WRN: variants seen among roughly 807,000 people sequenced by gnomAD.
The protein encoded by WRN is WRN RecQ like helicase, also known as bifunctional 3'-5' exonuclease/ATP-dependent helicase WRN.
WRN carries 149 observed loss-of-function variants against 180.7 expected under a neutral mutation model. That is an observed-to-expected ratio of 0.82 (90% CI 0.72 to 0.94). The LOEUF is 0.94. Ranked by LOEUF, WRN falls within the 40% of genes least tolerant of loss-of-function variation. The pLI, the probability that WRN is intolerant of heterozygous loss-of-function variation, is 0.00. For synonymous variants in WRN, 548 were observed against 568.9 expected (o/e 0.96, Z 0.52); for missense variants, 1,661 against 1,700.1 (o/e 0.98, Z 0.40).
At chr8:31,159,637 A>G (rs1266053846) in intron 33 of WRN, among the ~76,000 whole-genome samples, 2 of 151,772 alleles carry the variant, frequency 1.3e-5, no homozygotes, top group Admixed American at 6.6e-5. Flanking sequence ...AAAAAATTAT[A>G]TCTATTAAAA....
intron 17 of WRN, among the ~76,000 whole-genome samples, chr8:31,099,383 A>AAAGGAAGGAAGG (rs564093090): frequency 6.8e-6 from 1 of 147,204 alleles, no homozygotes; most frequent in African/African-American, 2.6e-5. Context: ...TAGCCTAAGA[A>AAAGGAAGGAAGG]AAGGAAGGAA....
At chr8:31,099,491 G>A (rs1379257285) in intron 17 of WRN, among the ~76,000 whole-genome samples, 1 of 151,540 alleles carries the variant, frequency 6.6e-6, no homozygotes, top group African/African-American at 2.4e-5. Flanking sequence ...CAGCCACTCA[G>A]TAGTACCCAG....
At chr8:31,076,795 G>A (rs562024448) in intron 8 of WRN, among the ~76,000 whole-genome samples, 24 of 152,010 alleles carry the variant, frequency 1.6e-4, no homozygotes, top group Non-Finnish European at 2.2e-4. Flanking sequence ...TAGAACAAAA[G>A]GCATTCCAAT....
intron 1 of WRN, among the ~76,000 whole-genome samples, chr8:31,037,565 A>G (rs1283018037): frequency 5.9e-5 from 9 of 152,170 alleles, no homozygotes; most frequent in African/African-American, 2.2e-4. Flanking sequence ...TTGATGCTGT[A>G]TGTGGTGAGA....
Position 31,154,738 on chromosome 8 carries a change from G to T in WRN, c.3802G>T (p.Glu1268Ter). The change falls in exon 32 of 35, where the codon GAA (glutamate) becomes TAA (stop). Residue 1268 changes from glutamate to a stop codon, truncating the protein, a stop_gained. Transcript: ENST00000298139. LOFTEE classifies it high-confidence loss of function. ...SMAITYSLFQ[E>*]KKMPLKSIAE... ...GGCCATCACATACTCTTTATTCCAA[G>T]AAAAGAAGATGCCTTTGGTAAGTGT... 1 of 1,613,422 alleles carries T rather than the reference G, an allele frequency of 6.2e-7. No individual in the cohort carries two copies. Among genetic ancestry groups the T allele is most frequent in the South Asian group, 1.1e-5 (1 of 91,060 alleles).
rs576693148 is a variant in WRN, at chr8:31,098,690, G to C, written c.1981+1840G>C. 5.3e-5 allele frequency among the ~76,000 whole-genome samples: 8 copies of C among 152,160 alleles called. No homozygotes were observed. The East Asian group carries it at 1.5e-3, about 29-fold the overall frequency. ...TAGCTAATCAGATTCCTCATTTTTAGGTAAATGTTAAATTACTTAAGTAGT... is the reference window on the plus strand; with the variant it reads ...TAGCTAATCAGATTCCTCATTTTTACGTAAATGTTAAATTACTTAAGTAGT... On this transcript the variant is annotated intron_variant, in intron 17 of 34. Coordinates refer to ENST00000298139, the MANE Select transcript of WRN (RefSeq NM_000553.6).
Position 31,067,165 on chromosome 8 carries a change from G to A in WRN, c.637G>A (p.Ala213Thr), listed in dbSNP as rs1158574965. Reference sequence around the variant, plus strand: ...TCTCACTGAGGACCAGAAACTGTATGCAGCCACTGATGCTTATGTACGTGC... The same window carrying A: ...TCTCACTGAGGACCAGAAACTGTATACAGCCACTGATGCTTATGTACGTGC... ...FPLTEDQKLY[A>T]ATDAYAGFII... The change falls in exon 6 of 35, where the codon GCA (alanine) becomes ACA (threonine). Residue 213 changes from alanine to threonine, a missense_variant. By Grantham distance (58) the Ala-to-Thr change is moderately conservative. Around this residue, in one of 3 missense-constraint regions of WRN, gnomAD observed 500 missense variants for 504.1 expected, o/e 0.99. Transcript: ENST00000298139. 2 of 1,613,744 alleles carry A rather than the reference G, an allele frequency of 1.2e-6. No homozygotes were observed. Among genetic ancestry groups the A allele is most frequent in the Non-Finnish European group, 8.5e-7 (1 of 1,179,942 alleles).
chr8:31,053,966 C>G (rs564272138), intron 1 of WRN, among the ~76,000 whole-genome samples: 2 of 152,208 alleles, frequency 1.3e-5, no homozygotes, highest in African/African-American at 4.8e-5. Context: ...AGCTATTAGA[C>G]TTAAAAAATT....
chr8:31,068,450 C>A, intron 7 of WRN, 123 bp downstream of exon 7: 1 of 796,114 alleles, frequency 1.3e-6, no homozygotes, highest in Non-Finnish European at 2.1e-6. Flanking sequence ...TCTGAGCAGT[C>A]CTGACATTAG....
At chr8:31,162,919 A>G (rs189840320) in intron 33 of WRN, among the ~76,000 whole-genome samples, 7 of 152,332 alleles carry the variant, frequency 4.6e-5, no homozygotes, top group Admixed American at 2.6e-4. Flanking sequence ...ATAGATGGTA[A>G]AATTTTATGG....
chr8:31,127,342 A>C lies in WRN; in HGVS notation c.2825+2342A>C, dbSNP rs189768986. ...TTTATCGTGCCCTGATTGTGATGGG[A>C]GTTAGATGAATCTATGGATATCTTA... On this transcript the variant is annotated intron_variant, in intron 23 of 34. Transcript: ENST00000298139. Among the ~76,000 whole-genome samples the C allele has an allele frequency of 7.0e-4, 106 of 152,346 alleles. 2 individuals carry two copies. Among genetic ancestry groups the C allele is most frequent in the Non-Finnish European group, 5.9e-5 (4 of 68,036 alleles).
chr8:31,107,432 T>C (rs1317121898), intron 18 of WRN, among the ~76,000 whole-genome samples: 1 of 152,196 alleles, frequency 6.6e-6, no homozygotes, highest in Non-Finnish European at 1.5e-5. Flanking sequence ...ATGGACGTCA[T>C]TGGATCATTT....
At chr8:31,096,073 A>G (rs1196333810) in intron 16 of WRN, among the ~76,000 whole-genome samples, 2 of 152,236 alleles carry the variant, frequency 1.3e-5, no homozygotes, top group Non-Finnish European at 2.9e-5. Context: ...GTTTGACATC[A>G]GAGCTTATTC....
chr8:31,111,628 C>T lies in WRN; in HGVS notation c.2102C>T (p.Ala701Val). The T allele has an allele frequency of 6.2e-7, 1 of 1,613,984 alleles. No individual in the cohort carries two copies. ...TACATCATTCAGGTTCCAATCGTTGCACTTACTGCTACTGCAAGTTCTTCA... is the reference window on the plus strand; with the variant it reads ...TACATCATTCAGGTTCCAATCGTTGTACTTACTGCTACTGCAAGTTCTTCA... ...KTALPMVPIVALTATASSSIR... is the reference protein window; with the variant it reads ...KTALPMVPIVVLTATASSSIR... Residue 701 changes from alanine (A) to valine (V), a missense_variant, in exon 19 of 35, where the codon GCA (alanine) becomes GTA (valine). Ala to Val is a moderately conservative substitution (Grantham distance 64). Coordinates refer to ENST00000298139, the MANE Select transcript of WRN (RefSeq NM_000553.6).
intron 21 of WRN, among the ~76,000 whole-genome samples, chr8:31,122,637 A>G (rs1373262123): frequency 2.6e-5 from 4 of 151,978 alleles, no homozygotes; most frequent in Admixed American, 2.6e-4. Context: ...TGAATGGTTT[A>G]GAATTTTTTT....
intron 8 of WRN, among the ~76,000 whole-genome samples, chr8:31,076,917 C>A (rs1157045466): frequency 6.6e-6 from 1 of 152,164 alleles, no homozygotes; most frequent in East Asian, 1.9e-4. Flanking sequence ...TGGAATCAGA[C>A]CTTGTCCTGG....
chr8:31,131,120 A>G (rs1802147254), intron 23 of WRN, among the ~76,000 whole-genome samples: 1 of 150,672 alleles, frequency 6.6e-6, no homozygotes, highest in South Asian at 2.1e-4. Flanking sequence ...AATAGAGAAA[A>G]CTATGTAGTC....
intron 18 of WRN, among the ~76,000 whole-genome samples, chr8:31,104,879 T>C (rs960426029): frequency 4.6e-5 from 7 of 152,228 alleles, no homozygotes; most frequent in Non-Finnish European, 7.3e-5. Context: ...GGCTTATGTT[T>C]AAGTTTTCTT....
intron 9 of WRN, among the ~76,000 whole-genome samples, chr8:31,083,472 T>G (rs1046105994): frequency 6.6e-6 from 1 of 152,122 alleles, no homozygotes; most frequent in Non-Finnish European, 1.5e-5. Flanking sequence ...TTATCTAACT[T>G]TGTATTCCTA....
Sources: gnomAD v4.1 joint callset for allele counts (sites outside exome capture counted in the v4.1 genomes callset) on GRCh38, gnomAD v4.1.1 for gene constraint, gnomAD v4.1.1 regional missense constraint, MANE v1.5 for transcripts, NCBI Gene and HGNC (gene_info 2026-07-23, HGNC 2026-07-21) for gene names.